The following HS3ST4 variants were observed in gnomAD, a reference collection of about 807,000 sequenced individuals.
The protein encoded by HS3ST4 is heparan sulfate-glucosamine 3-sulfotransferase 4.
HS3ST4 carries 17 observed loss-of-function variants against 29.2 expected under a neutral mutation model. That is an observed-to-expected ratio of 0.58 (90% CI 0.40 to 0.87). HS3ST4 has a LOEUF of 0.87. Ranked by LOEUF, HS3ST4 falls within the 40% of genes least tolerant of loss-of-function variation. The pLI, the probability that HS3ST4 is intolerant of heterozygous loss-of-function variation, is 0.00. For synonymous variants in HS3ST4, 314 were observed against 285.7 expected, an observed-to-expected ratio of 1.10 and a Z score of -1.00; for missense variants, 627 against 634.5, an observed-to-expected ratio of 0.99 and a Z score of 0.13.
chr16:25,953,107 G>C (rs1182560741), intron 1 of HS3ST4, among the ~76,000 whole-genome samples: 1 of 152,164 alleles, frequency 6.6e-6, no homozygotes, highest in African/African-American at 2.4e-5. Flanking sequence ...TATACAAATT[G>C]CATCCTGGCA....
chr16:25,807,533 G>A (rs1206932580), intron 1 of HS3ST4, among the ~76,000 whole-genome samples: 1 of 152,128 alleles, frequency 6.6e-6, no homozygotes, highest in African/African-American at 2.4e-5. Flanking sequence ...TAATATTGAT[G>A]TAGCCCAATT....
In HS3ST4 at chr16:26,116,614, G is replaced by A. The variant is rs187209594; in HGVS notation, c.735-18998G>A. Among the ~76,000 whole-genome samples the A allele has an allele frequency of 8.5e-5, 13 of 152,266 alleles. No homozygotes were observed. The East Asian group carries it at 2.5e-3, about 29-fold the overall frequency. On this transcript the variant is annotated intron_variant, in intron 1 of 1. Coordinates refer to ENST00000331351, the MANE Select transcript of HS3ST4 (RefSeq NM_006040.3). ...AATAACATATGTAGCATCTGATAAT[G>A]ATAGAGTGTCATCAGAGATTGAGAT... is the stretch of plus-strand genomic sequence containing the variant.
At chr16:25,871,437 T>C (rs908460162) in intron 1 of HS3ST4, among the ~76,000 whole-genome samples, 2 of 151,736 alleles carry the variant, frequency 1.3e-5, no homozygotes, top group African/African-American at 2.4e-5. Context: ...TGTGGAAAAA[T>C]TACAGCCACA....
intron 1 of HS3ST4, among the ~76,000 whole-genome samples, chr16:26,111,847 T>C (rs1407708064): frequency 6.6e-6 from 1 of 152,030 alleles, no homozygotes; most frequent in Non-Finnish European, 1.5e-5. Flanking sequence ...TGAAACCCCA[T>C]CTCTATTAAA....
At chr16:25,721,789 A>G (rs1431556707) in intron 1 of HS3ST4, among the ~76,000 whole-genome samples, 1 of 152,240 alleles carries the variant, frequency 6.6e-6, no homozygotes, top group African/African-American at 2.4e-5. Context: ...AAAGAAAGAC[A>G]AACACATTTC....
intron 1 of HS3ST4, among the ~76,000 whole-genome samples, chr16:25,881,004 C>T (rs527862671): frequency 2.6e-5 from 4 of 152,236 alleles, no homozygotes; most frequent in African/African-American, 9.6e-5. Context: ...ATGGATGGCT[C>T]ACCCATCAAG....
rs751190339 is a variant in HS3ST4, at chr16:26,043,696, A to G, written c.735-91916A>G. 3.9e-4 allele frequency among the ~76,000 whole-genome samples: 60 copies of G among 152,116 alleles called. 1 individual carries two copies. The highest frequency in any genetic ancestry group is 6.8e-4 in the Non-Finnish European group (46 of 68,014). On this transcript the variant is annotated intron_variant, in intron 1 of 1. Coordinates refer to ENST00000331351, the MANE Select transcript of HS3ST4 (RefSeq NM_006040.3). ...CTCTGAAACACGCGCAGCAATTACAATCTTCCCTTATGAACTGGCTTGGTT... is the reference window on the plus strand; with the variant it reads ...CTCTGAAACACGCGCAGCAATTACAGTCTTCCCTTATGAACTGGCTTGGTT...
At chr16:25,910,317 AG>A (rs1451683210) in intron 1 of HS3ST4, among the ~76,000 whole-genome samples, 11 of 152,210 alleles carry the variant, frequency 7.2e-5, no homozygotes, top group African/African-American at 2.7e-4. Flanking sequence ...GTTACATCAG[AG>A]TCCATGAAAC....
At chr16:26,119,607 A>G (rs1346431139) in intron 1 of HS3ST4, among the ~76,000 whole-genome samples, 3 of 152,022 alleles carry the variant, frequency 2.0e-5, no homozygotes, top group Admixed American at 6.6e-5. Flanking sequence ...GTGTTAGGAA[A>G]TCTATTGGGT....
At chr16:25,704,273 C>T (rs921751587) in intron 1 of HS3ST4, among the ~76,000 whole-genome samples, 3 of 152,080 alleles carry the variant, frequency 2.0e-5, no homozygotes, top group African/African-American at 7.2e-5. Flanking sequence ...AAAGAGAAAC[C>T]CACTCAAATA....
intron 1 of HS3ST4, among the ~76,000 whole-genome samples, chr16:25,942,281 G>A (rs890120200): frequency 1.3e-5 from 2 of 152,198 alleles, no homozygotes; most frequent in African/African-American, 4.8e-5. Context: ...AGTGGATTCT[G>A]AACAATCTGG....
intron 1 of HS3ST4, among the ~76,000 whole-genome samples, chr16:26,099,821 G>A (rs992658934): frequency 3.9e-5 from 6 of 151,976 alleles, no homozygotes; most frequent in African/African-American, 4.8e-5. Context: ...ACGCACACAC[G>A]CATGCCCACA....
At chr16:25,955,924 C>G (rs2076268770) in intron 1 of HS3ST4, among the ~76,000 whole-genome samples, 1 of 151,586 alleles carries the variant, frequency 6.6e-6, no homozygotes, top group African/African-American at 2.4e-5. Flanking sequence ...AAGCAATTCT[C>G]CTGCCTCAGC....
intron 1 of HS3ST4, among the ~76,000 whole-genome samples, chr16:25,714,251 A>C (rs867715703): frequency 6.6e-6 from 1 of 152,164 alleles, no homozygotes; most frequent in Non-Finnish European, 1.5e-5. Flanking sequence ...ACGGCTCATC[A>C]TCCTCCTTCC....
At chr16:25,929,407 A>G (rs1193261709) in intron 1 of HS3ST4, among the ~76,000 whole-genome samples, 2 of 152,218 alleles carry the variant, frequency 1.3e-5, no homozygotes, top group Non-Finnish European at 2.9e-5. Flanking sequence ...AAGAAAAGAA[A>G]GGTTCAAGGT....
chr16:25,832,654 C>A (rs984404033), intron 1 of HS3ST4, among the ~76,000 whole-genome samples: 1 of 152,124 alleles, frequency 6.6e-6, no homozygotes, highest in Non-Finnish European at 1.5e-5. Flanking sequence ...CACTTATATG[C>A]AAAGCTATAT....
intron 1 of HS3ST4, among the ~76,000 whole-genome samples, chr16:26,050,216 T>C (rs1354336866): frequency 6.6e-6 from 1 of 152,102 alleles, no homozygotes; most frequent in Non-Finnish European, 1.5e-5. Flanking sequence ...CTCATTAATA[T>C]ACAAAAAGAC....
At chr16:25,994,584 T>C (rs1481910503) in intron 1 of HS3ST4, among the ~76,000 whole-genome samples, 1 of 152,222 alleles carries the variant, frequency 6.6e-6, no homozygotes, top group Non-Finnish European at 1.5e-5. Context: ...AGTATTTATG[T>C]CTTTAAATAT....
intron 1 of HS3ST4, among the ~76,000 whole-genome samples, chr16:26,114,378 T>C (rs1444354123): frequency 6.6e-6 from 1 of 152,180 alleles, no homozygotes; most frequent in Non-Finnish European, 1.5e-5. Context: ...AAAGCTGGCA[T>C]GAAACTCTAC....
Sources: allele counts gnomAD v4.1 joint callset (sites outside exome capture counted in the v4.1 genomes callset), GRCh38; gene constraint gnomAD v4.1.1; transcripts MANE v1.5; gene names NCBI Gene and HGNC (gene_info 2026-07-23, HGNC 2026-07-21).